IGSF21: variants seen among roughly 807,000 people sequenced by gnomAD.
The protein encoded by IGSF21 is immunoglobulin superfamily member 21.
In IGSF21, 28 loss-of-function variants were observed where a neutral mutation model predicts 46.8. The observed-to-expected ratio is 0.60, with a 90% CI of 0.44 to 0.82. IGSF21 has a LOEUF of 0.82. IGSF21 is among the 40% of genes least tolerant of loss of function. IGSF21 has a pLI of 0.00. For missense variants in IGSF21, 624 were observed against 665.5 expected (o/e 0.94, Z 0.69); for synonymous variants, 284 against 273.6 (o/e 1.04, Z -0.38).
chr1:18,187,231 AG>A (rs1471781104), intron 1 of IGSF21, among the ~76,000 whole-genome samples: 1 of 151,984 alleles, frequency 6.6e-6, no homozygotes, highest in Non-Finnish European at 1.5e-5. Flanking sequence ...AGAGAGAGAG[AG>A]AGAGAGAGAG....
intron 2 of IGSF21, among the ~76,000 whole-genome samples, chr1:18,288,371 C>CTGT: frequency 6.6e-6 from 1 of 152,298 alleles, no homozygotes; most frequent in Middle Eastern, 3.4e-3. Flanking sequence ...TGGTAATTAC[C>CTGT]TGTTGCTGCT....
At chr1:18,155,642 A>T (rs1298788520) in intron 1 of IGSF21, among the ~76,000 whole-genome samples, 2 of 152,358 alleles carry the variant, frequency 1.3e-5, no homozygotes, top group South Asian at 2.1e-4. Context: ...CCCTCAACCA[A>T]GTCATAGGAC....
intron 2 of IGSF21, among the ~76,000 whole-genome samples, chr1:18,251,865 T>C (rs2084845022): frequency 6.6e-6 from 1 of 152,038 alleles, no homozygotes; most frequent in African/African-American, 2.4e-5. Context: ...ACATGTAACA[T>C]TCATACAACA....
chr1:18,228,618 T>C (rs2084593089), intron 2 of IGSF21, among the ~76,000 whole-genome samples: 2 of 152,118 alleles, frequency 1.3e-5, no homozygotes, highest in African/African-American at 4.8e-5. Flanking sequence ...TCTTCTTGTG[T>C]CTGGATGGGG....
chr1:18,176,712 TTCCGGGG>T (rs1381183805), intron 1 of IGSF21, among the ~76,000 whole-genome samples: 2 of 151,994 alleles, frequency 1.3e-5, no homozygotes, highest in African/African-American at 2.4e-5. Flanking sequence ...GTGGGAGGAG[TTCCGGGG>T]TCTCCACAGA....
intron 3 of IGSF21, among the ~76,000 whole-genome samples, chr1:18,321,895 T>A (rs894955181): frequency 6.6e-6 from 1 of 152,118 alleles, no homozygotes; most frequent in Non-Finnish European, 1.5e-5. Context: ...GTAAGCAACA[T>A]CCCTGTGACT....
intron 1 of IGSF21, among the ~76,000 whole-genome samples, chr1:18,124,339 G>T (rs985726724): frequency 1.3e-5 from 2 of 152,188 alleles, no homozygotes; most frequent in Non-Finnish European, 2.9e-5. Flanking sequence ...CTTTGCAACC[G>T]CTCAGGAGGT....
chr1:18,145,360 G>A (rs9730168), intron 1 of IGSF21, among the ~76,000 whole-genome samples: 16,490 of 152,008 alleles, frequency 0.11, 1,563 homozygotes, highest in African/African-American at 0.25. Flanking sequence ...ACCATGGGGA[G>A]CTTTATAGGC....
chr1:18,227,778 G>A (rs2124506501), intron 1 of IGSF21, 120 bp from the exon 2 acceptor site: 1 of 704,478 alleles, frequency 1.4e-6, no homozygotes, highest in South Asian at 1.6e-5. Flanking sequence ...CCTCAAAGTT[G>A]TGCAACTACA....
rs555619969 is a variant in IGSF21, at chr1:18,319,204, T to C, written c.306-15688T>C. Among the ~76,000 whole-genome samples, 12 of 152,290 alleles carry C rather than the reference T, an allele frequency of 7.9e-5. No individual in the cohort carries two copies. In the East Asian group the frequency reaches 1.9e-3, roughly 24 times the overall value. On this transcript the variant is annotated intron_variant, in intron 3 of 9. Coordinates refer to ENST00000251296, the MANE Select transcript of IGSF21 (RefSeq NM_032880.5). ...CTGTGCATGGCTTCCATTCTGAAGG[T>C]CACCTTAAAGTTTAAGAAGGCTGCA...
intron 1 of IGSF21, among the ~76,000 whole-genome samples, chr1:18,157,364 C>G (rs548968045): frequency 6.6e-6 from 1 of 152,204 alleles, no homozygotes; most frequent in Non-Finnish European, 1.5e-5. Context: ...CTGTGAGCCA[C>G]TCTGGGGGCA....
chr1:18,188,702 T>C (rs1241645186), intron 1 of IGSF21, among the ~76,000 whole-genome samples: 1 of 152,128 alleles, frequency 6.6e-6, no homozygotes, highest in Non-Finnish European at 1.5e-5. Context: ...ACTTCATGTG[T>C]GTTAGCTCCT....
intron 1 of IGSF21, among the ~76,000 whole-genome samples, chr1:18,217,975 C>A (rs1389186109): frequency 6.6e-6 from 1 of 152,160 alleles, no homozygotes; most frequent in Non-Finnish European, 1.5e-5. Context: ...TTTTTTCATT[C>A]CTTCAACAAT....
intron 3 of IGSF21, among the ~76,000 whole-genome samples, chr1:18,304,730 TACACACACAC>T (rs59328124): frequency 1.6e-5 from 2 of 128,384 alleles, no homozygotes; most frequent in Non-Finnish European, 3.4e-5. Context: ...CACACACACA[TACACACACAC>T]ACACACATTA....
chr1:18,177,403 G>A (rs867942182), intron 1 of IGSF21, among the ~76,000 whole-genome samples: 14 of 37,090 alleles, frequency 3.8e-4, no homozygotes, highest in South Asian at 1.0e-3. Context: ...GTGTGTGTGT[G>A]TGTGTGTGTG....
chr1:18,180,428 A>G (rs539747910), intron 1 of IGSF21, among the ~76,000 whole-genome samples: 1 of 152,318 alleles, frequency 6.6e-6, no homozygotes, highest in African/African-American at 2.4e-5. Context: ...GCCTTCTTCC[A>G]CCATTGCAGA....
intron 3 of IGSF21, among the ~76,000 whole-genome samples, chr1:18,333,195 T>C (rs1321098631): frequency 6.6e-6 from 1 of 152,200 alleles, no homozygotes; most frequent in African/African-American, 2.4e-5. Context: ...GGTAAGTCCA[T>C]GGGTATGGAT....
At chr1:18,369,885 C>G (rs1468941174) in intron 6 of IGSF21, among the ~76,000 whole-genome samples, 1 of 152,180 alleles carries the variant, frequency 6.6e-6, no homozygotes. Context: ...GTACCTTTCT[C>G]GTAATCTGGA....
chr1:18,132,739 G>T (rs1440944724), intron 1 of IGSF21, among the ~76,000 whole-genome samples: 3 of 152,100 alleles, frequency 2.0e-5, no homozygotes, highest in African/African-American at 4.8e-5. Flanking sequence ...GGTGGGCAAG[G>T]GGGTGGGGGA....
Sources: allele counts gnomAD v4.1 joint callset (sites outside exome capture counted in the v4.1 genomes callset), GRCh38; gene constraint gnomAD v4.1.1; transcripts MANE v1.5; gene names NCBI Gene and HGNC (gene_info 2026-07-23, HGNC 2026-07-21).